Variants in ELMO1 observed in about 807,000 individuals in gnomAD.
The protein encoded by ELMO1 is engulfment and cell motility protein 1.
In ELMO1, 26 loss-of-function variants were observed where a neutral mutation model predicts 98.9. That is an observed-to-expected ratio of 0.26 (90% CI 0.19 to 0.36). The LOEUF (loss-of-function observed/expected upper bound fraction) is 0.36, where lower values mean the gene tolerates loss of function less well. Among genes scored for constraint, ELMO1 ranks in the 10% least tolerant of loss-of-function variants. The pLI, the probability that ELMO1 is intolerant of heterozygous loss-of-function variation, is 1.00. For synonymous variants in ELMO1, 346 were observed against 346.0 expected (o/e 1.00, Z 0.00); for missense variants, 627 against 935.2 (o/e 0.67, Z 4.30).
At chr7:37,183,943 T>C (rs1435874882) in intron 13 of ELMO1, among the ~76,000 whole-genome samples, 1 of 152,230 alleles carries the variant, frequency 6.6e-6, no homozygotes. Context: ...GAATTTCCAT[T>C]TGGTTGCTTC....
intron 21 of ELMO1, among the ~76,000 whole-genome samples, chr7:36,859,668 A>C (rs1324092167): frequency 1.3e-5 from 2 of 152,142 alleles, no homozygotes; most frequent in East Asian, 3.9e-4. Context: ...CTCTTGCCTC[A>C]TTTCCCTCTT....
rs142559257 is a variant in ELMO1 at position 37,428,067 on chromosome 7, G to C, written c.-74+20608C>G. Among the ~76,000 whole-genome samples, 505 of 150,062 alleles carry C rather than the reference G, an allele frequency of 3.4e-3. 9 individuals carry two copies. The highest frequency in any genetic ancestry group is 0.011 in the African/African-American group (456 of 40,132). On this transcript the variant is annotated intron_variant, in intron 1 of 21. Transcript: ENST00000310758. ...TGTGTGTGTGTGTGTGTCTGTGTGT[G>C]CACACACACGTTGGAGGGGAACAGA...
chr7:37,216,827 TCAAA>T, intron 10 of ELMO1, 132 bp from the exon 11 acceptor site: 2 of 856,482 alleles, frequency 2.3e-6, no homozygotes, highest in South Asian at 3.2e-5. Flanking sequence ...AATAATGAAC[TCAAA>T]CAGGCAGTAG....
At position 37,209,991 on chromosome 7, in the gene ELMO1, G is replaced by A. The variant is rs55748724; in HGVS notation, c.1086+1395C>T. On this transcript the variant is annotated intron_variant, in intron 13 of 21. Transcript: ENST00000310758. Reference sequence around the variant, plus strand: ...TGCAGTAAGTATTCTTATTTAAAACGTCATATTAAAACTAACACTATAAAA... The same window carrying A: ...TGCAGTAAGTATTCTTATTTAAAACATCATATTAAAACTAACACTATAAAA... Among the ~76,000 whole-genome samples, 1,090 of 152,170 alleles carry A rather than the reference G, an allele frequency of 7.2e-3. 6 individuals are homozygous for A. The highest frequency in any genetic ancestry group is 0.011 in the Non-Finnish European group (763 of 68,016).
chr7:37,426,606 C>T (rs1267712488), intron 1 of ELMO1, among the ~76,000 whole-genome samples: 1 of 152,122 alleles, frequency 6.6e-6, no homozygotes, highest in Non-Finnish European at 1.5e-5. Context: ...CACAAACATA[C>T]CAGCATCTCG....
intron 13 of ELMO1, among the ~76,000 whole-genome samples, chr7:37,162,836 G>C (rs1486638224): frequency 6.6e-6 from 1 of 152,112 alleles, no homozygotes; most frequent in African/African-American, 2.4e-5. Context: ...GTAACACATA[G>C]GGTTCTTTTT....
chr7:37,159,295 G>C (rs1028331065), intron 13 of ELMO1, among the ~76,000 whole-genome samples: 2 of 152,186 alleles, frequency 1.3e-5, no homozygotes, highest in Non-Finnish European at 2.9e-5. Flanking sequence ...ACAACTTAAA[G>C]TATAATAATA....
In ELMO1 at chr7:37,184,340, T is replaced by C. The variant is rs150579474; in HGVS notation, c.1086+27046A>G. On this transcript the variant is annotated intron_variant, in intron 13 of 21. Coordinates refer to ENST00000310758, the MANE Select transcript of ELMO1 (RefSeq NM_014800.11). ...CTGTCCATAGCTAGGTTGCTTTGAGTAGGCTCCATGCATGTGTGGTTCAGA... is the reference window on the plus strand; with the variant it reads ...CTGTCCATAGCTAGGTTGCTTTGAGCAGGCTCCATGCATGTGTGGTTCAGA... Among the ~76,000 whole-genome samples, 25 of 152,278 alleles carry C rather than the reference T, an allele frequency of 1.6e-4. No homozygotes were observed. In the East Asian group the frequency reaches 3.9e-3, roughly 24 times the overall value.
chr7:37,312,700 T>G (rs1166311059), intron 4 of ELMO1, among the ~76,000 whole-genome samples: 1 of 152,014 alleles, frequency 6.6e-6, no homozygotes, highest in Admixed American at 6.6e-5. Context: ...TACACTGAGG[T>G]CTCCAGACAA....
intron 2 of ELMO1, among the ~76,000 whole-genome samples, chr7:37,317,708 G>A (rs542169029): frequency 6.6e-6 from 1 of 152,210 alleles, no homozygotes; most frequent in African/African-American, 2.4e-5. Context: ...GAGAGGTGGG[G>A]ATGGTTAATG....
intron 17 of ELMO1, among the ~76,000 whole-genome samples, chr7:36,890,792 T>C (rs1387720574): frequency 6.6e-6 from 1 of 152,150 alleles, no homozygotes; most frequent in Non-Finnish European, 1.5e-5. Context: ...ATCACATCAT[T>C]CCTTTGCTCA....
At chr7:37,240,230 G>T (rs1322721532) in intron 7 of ELMO1, among the ~76,000 whole-genome samples, 1 of 151,808 alleles carries the variant, frequency 6.6e-6, no homozygotes, top group Middle Eastern at 3.2e-3. Flanking sequence ...GTAGAGATAG[G>T]TTTTTGCCAT....
At chr7:37,347,182 T>G (rs1801047853) in intron 1 of ELMO1, among the ~76,000 whole-genome samples, 1 of 152,250 alleles carries the variant, frequency 6.6e-6, no homozygotes, top group African/African-American at 2.4e-5. Flanking sequence ...GACTTTATCC[T>G]CTTAAATTTA....
At chr7:37,334,217 G>C (rs141935589) in intron 2 of ELMO1, among the ~76,000 whole-genome samples, 10 of 152,260 alleles carry the variant, frequency 6.6e-5, no homozygotes, top group African/African-American at 2.4e-4. Flanking sequence ...AGGAGACTCT[G>C]TCCACCGCCC....
intron 13 of ELMO1, among the ~76,000 whole-genome samples, chr7:37,166,781 G>A (rs1563050450): frequency 6.6e-6 from 1 of 152,150 alleles, no homozygotes; most frequent in Non-Finnish European, 1.5e-5. Flanking sequence ...TTTGGAATAG[G>A]TGTGGTGTGG....
In ELMO1 at chr7:37,159,986, TTTATTAATTAAAA is replaced by T. The variant is rs980903583; in HGVS notation, c.1087-26765_1087-26753del. On this transcript the variant is annotated intron_variant, in intron 13 of 21. Coordinates refer to ENST00000310758, the MANE Select transcript of ELMO1 (RefSeq NM_014800.11). Reference sequence around the variant, plus strand: ...AAATTTTAATTTAGACAATCCACATTTTATTAATTAAAAGCACAATGAAACTAGTATCTGACTA... The same window carrying T: ...AAATTTTAATTTAGACAATCCACATTGCACAATGAAACTAGTATCTGACTA... Among the ~76,000 whole-genome samples, 56 of 152,176 alleles carry T rather than the reference TTTATTAATTAAAA, an allele frequency of 3.7e-4. 1 individual carries two copies. The highest frequency in any genetic ancestry group is 1.1e-3 in the African/African-American group (45 of 41,438).
At chr7:37,372,802 T>C (rs761411419) in intron 1 of ELMO1, among the ~76,000 whole-genome samples, 2 of 152,222 alleles carry the variant, frequency 1.3e-5, no homozygotes, top group Non-Finnish European at 2.9e-5. Flanking sequence ...ACCTCACTCA[T>C]TAGGGGATCT....
intron 1 of ELMO1, among the ~76,000 whole-genome samples, chr7:37,405,533 T>C (rs762835845): frequency 1.3e-5 from 2 of 152,246 alleles, no homozygotes; most frequent in Non-Finnish European, 2.9e-5. Flanking sequence ...GCAAATGTTA[T>C]CCTTATAGGC....
At chr7:37,415,602 C>T (rs1228970182) in intron 1 of ELMO1, among the ~76,000 whole-genome samples, 2 of 152,168 alleles carry the variant, frequency 1.3e-5, no homozygotes, top group Admixed American at 6.5e-5. Flanking sequence ...ATAAAGCAGG[C>T]AGCACAGTAC....
Sources: gnomAD v4.1 joint callset for allele counts (sites outside exome capture counted in the v4.1 genomes callset) on GRCh38, gnomAD v4.1.1 for gene constraint, MANE v1.5 for transcripts, NCBI Gene and HGNC (gene_info 2026-07-23, HGNC 2026-07-21) for gene names.